The following DENND5A variants were observed in gnomAD, a reference collection of about 807,000 sequenced individuals.
DENND5A encodes DENN domain-containing protein 5A.
Under a neutral mutation model 140.3 loss-of-function variants are expected in DENND5A, and 64 were observed. The observed-to-expected ratio is 0.46, with a 90% CI of 0.37 to 0.56. The LOEUF (loss-of-function observed/expected upper bound fraction) is 0.56. Ranked by LOEUF, DENND5A falls within the 20% of genes least tolerant of loss-of-function variation. The probability of loss-of-function intolerance (pLI) is 0.00; values close to 1 mark genes in which losing one functional copy is unlikely to be tolerated. For missense variants in DENND5A, 1,292 were observed against 1,593.8 expected, an observed-to-expected ratio of 0.81 and a Z score of 3.22; for synonymous variants, 605 against 607.7, an observed-to-expected ratio of 1.00 and a Z score of 0.07.
chr11:9,193,670 G>A lies in DENND5A; in HGVS notation c.961C>T (p.Leu321=). 2 of 1,610,468 alleles carry A rather than the reference G, an allele frequency of 1.2e-6. No individual in the cohort carries two copies. The highest frequency in any genetic ancestry group is 1.7e-6 in the Non-Finnish European group (2 of 1,178,674). ...ILLYSQHYQR[L]MTVAETITAL... ...GTAATCGTCTCCGCCACAGTCATCA[G>A]TCTCTGGTAATCTGGGTCAACAACA... Residue 321 remains leucine, a synonymous_variant, in exon 5 of 23, where the codon CTG becomes TTG. Coordinates refer to ENST00000328194, the MANE Select transcript of DENND5A (RefSeq NM_015213.4).
At chr11:9,231,833 T>C (rs901975823) in intron 1 of DENND5A, among the ~76,000 whole-genome samples, 1 of 151,986 alleles carries the variant, frequency 6.6e-6, no homozygotes, top group Non-Finnish European at 1.5e-5. Flanking sequence ...TCTTTTTTTT[T>C]AACAGACTTT....
chr11:9,172,705 G>A (rs1848410753), intron 8 of DENND5A, among the ~76,000 whole-genome samples: 1 of 152,218 alleles, frequency 6.6e-6, no homozygotes, highest in South Asian at 2.1e-4. Context: ...ATGCGGAACT[G>A]AGTCAATTAA....
chr11:9,228,718 CAA>C (rs56879368), intron 1 of DENND5A, among the ~76,000 whole-genome samples: 17 of 133,750 alleles, frequency 1.3e-4, no homozygotes, highest in South Asian at 2.3e-4. Context: ...GACACCGTCT[CAA>C]AAAAAAAAAA....
At chr11:9,194,182 T>G (rs2136196553) in intron 4 of DENND5A, among the ~76,000 whole-genome samples, 1 of 152,284 alleles carries the variant, frequency 6.6e-6, no homozygotes, top group Non-Finnish European at 1.5e-5. Context: ...CAGAAGCTGG[T>G]TTTCCACACT....
At chr11:9,166,631 A>C (rs1848201230) in intron 10 of DENND5A, among the ~76,000 whole-genome samples, 1 of 151,938 alleles carries the variant, frequency 6.6e-6, no homozygotes, top group Admixed American at 6.6e-5. Flanking sequence ...CAGGAGTTCA[A>C]GACCAGCCTG....
chr11:9,251,242 C>T (rs1393549585), intron 1 of DENND5A, among the ~76,000 whole-genome samples: 4 of 150,704 alleles, frequency 2.7e-5, no homozygotes, highest in African/African-American at 7.3e-5. Context: ...ACTGCTCAGA[C>T]CTCTCAGCAT....
intron 12 of DENND5A, 130 bp from the exon 13 acceptor site, chr11:9,152,572 C>T: frequency 1.5e-6 from 1 of 681,828 alleles, no homozygotes; most frequent in Non-Finnish European, 2.7e-6. Context: ...ATCCAGGACA[C>T]AGTGTATGCA....
chr11:9,140,603 C>T (rs1226175772), intron 22 of DENND5A, among the ~76,000 whole-genome samples: 1 of 152,160 alleles, frequency 6.6e-6, no homozygotes, highest in Non-Finnish European at 1.5e-5. Context: ...AAGAATCTTT[C>T]TCTGTCCCAG....
rs541775777 is a variant in DENND5A, at chr11:9,262,029, A to G, written c.109+2932T>C. Among the ~76,000 whole-genome samples, 117 of 152,324 alleles carry G rather than the reference A, an allele frequency of 7.7e-4. 3 individuals are homozygous for G. In the South Asian group the frequency reaches 0.022, roughly 29 times the overall value. ...TATCCCAATAAACTTTCACAAGGATATAATTTTAGCTTGCCAAAAAGCCAG... is the reference window on the plus strand; with the variant it reads ...TATCCCAATAAACTTTCACAAGGATGTAATTTTAGCTTGCCAAAAAGCCAG... On this transcript the variant is annotated intron_variant, in intron 1 of 22. Coordinates refer to ENST00000328194, the MANE Select transcript of DENND5A (RefSeq NM_015213.4).
chr11:9,195,390 T>C (rs1434372841), intron 4 of DENND5A, among the ~76,000 whole-genome samples: 1 of 152,244 alleles, frequency 6.6e-6, no homozygotes, highest in East Asian at 1.9e-4. Context: ...ACTTAAATTT[T>C]ACAAATTACT....
At position 9,203,835 on chromosome 11, in the gene DENND5A, C is replaced by T. The variant is rs750074909; in HGVS notation, c.774G>A (p.Arg258=). Residue 258 remains arginine (R), a synonymous_variant, in exon 4 of 23, where the codon CGG becomes CGA. Coordinates refer to ENST00000328194, the MANE Select transcript of DENND5A (RefSeq NM_015213.4). The part of the protein sequence containing the change: ...LYEVPLPPPG[R]SLKFSGVYGP... Reference sequence around the variant, plus strand: ...CATAGACCCCAGAAAACTTCAAGGACCGGCCAGGAGGTGGGAGCGGCACCT... The same window carrying T: ...CATAGACCCCAGAAAACTTCAAGGATCGGCCAGGAGGTGGGAGCGGCACCT... 2 of 1,614,140 alleles carry T rather than the reference C, an allele frequency of 1.2e-6. No homozygotes were observed. The highest frequency in any genetic ancestry group is 1.7e-6 in the Non-Finnish European group (2 of 1,180,012).
In DENND5A at chr11:9,244,701, G is replaced by C. The variant is rs530618408; in HGVS notation, c.109+20260C>G. 2.3e-3 allele frequency among the ~76,000 whole-genome samples: 356 copies of C among 152,040 alleles called. 1 individual carries two copies. Among genetic ancestry groups the C allele is most frequent in the Non-Finnish European group, 4.0e-3 (273 of 67,970 alleles). On this transcript the variant is annotated intron_variant, in intron 1 of 22. Coordinates refer to ENST00000328194, the MANE Select transcript of DENND5A (RefSeq NM_015213.4). Reference sequence around the variant, plus strand: ...TTTATTTATTTATTTTTGGAGATAAGGTCTGGCTCTGTCACTCAGGCTAGA... The same window carrying C: ...TTTATTTATTTATTTTTGGAGATAACGTCTGGCTCTGTCACTCAGGCTAGA...
chr11:9,248,370 G>T (rs1335554123), intron 1 of DENND5A, among the ~76,000 whole-genome samples: 46 of 152,034 alleles, frequency 3.0e-4, no homozygotes, highest in Non-Finnish European at 1.5e-5. Context: ...TTAAAGGGAG[G>T]TTGGCCATGC....
chr11:9,160,640 A>G (rs771466539), intron 12 of DENND5A, 73 bp downstream of exon 12: 10 of 1,423,806 alleles, frequency 7.0e-6, no homozygotes, highest in Non-Finnish European at 9.7e-6. Context: ...CTGGACAAAA[A>G]GAGTGTGGGA....
Position 9,209,484 on chromosome 11 carries a change from TC to T in DENND5A, c.110-1853del, listed in dbSNP as rs137921079. On this transcript the variant is annotated intron_variant, in intron 1 of 22. Transcript: ENST00000328194. ...TAGAGCCTCTGTCCCCACCACCACC[TC>T]TCCACATCTGCCCCTTCTTTAAATT... Among the ~76,000 whole-genome samples the T allele has an allele frequency of 2.8e-3, 421 of 152,262 alleles. 1 individual carries two copies. Among genetic ancestry groups the T allele is most frequent in the African/African-American group, 9.6e-3 (399 of 41,550 alleles).
intron 1 of DENND5A, among the ~76,000 whole-genome samples, chr11:9,231,773 A>G (rs1348567959): frequency 1.3e-5 from 2 of 151,138 alleles, no homozygotes; most frequent in Non-Finnish European, 2.9e-5. Flanking sequence ...CAGTAACATA[A>G]GAGAAAGTTT....
At chr11:9,221,577 G>C (rs1457906961) in intron 1 of DENND5A, among the ~76,000 whole-genome samples, 1 of 152,042 alleles carries the variant, frequency 6.6e-6, no homozygotes, top group Admixed American at 6.6e-5. Flanking sequence ...TGTTAGCCAG[G>C]CTGGTCTTGA....
chr11:9,145,254 G>A (rs1372703901), intron 17 of DENND5A, 141 bp from the exon 18 acceptor site: 6 of 669,968 alleles, frequency 9.0e-6, no homozygotes, highest in Middle Eastern at 3.3e-4. Context: ...TCTACATACC[G>A]CCAGAACTGC....
intron 1 of DENND5A, among the ~76,000 whole-genome samples, chr11:9,247,384 G>T (rs1851523532): frequency 6.6e-6 from 1 of 151,614 alleles, no homozygotes; most frequent in African/African-American, 2.4e-5. Context: ...CTACTGCACT[G>T]GGCAAGCAGA....
Sources: gnomAD v4.1 joint callset for allele counts (sites outside exome capture counted in the v4.1 genomes callset) on GRCh38, gnomAD v4.1.1 for gene constraint, MANE v1.5 for transcripts, NCBI Gene and HGNC (gene_info 2026-07-23, HGNC 2026-07-21) for gene names.